The following IL11RA variants were observed in gnomAD, a reference collection of about 807,000 sequenced individuals.
IL11RA encodes the protein interleukin-11 receptor subunit alpha.
In IL11RA, 51 loss-of-function variants were observed where a neutral mutation model predicts 57.0. The observed-to-expected ratio is 0.89, with a 90% confidence interval of 0.71 to 1.13. The LOEUF is 1.13. Ranked by LOEUF, IL11RA falls within the 50% of genes most tolerant of loss-of-function variation. IL11RA has a pLI of 0.00. For synonymous variants in IL11RA, 199 were observed against 217.5 expected, an observed-to-expected ratio of 0.91 and a Z score of 0.75; for missense variants, 498 against 539.4, an observed-to-expected ratio of 0.92 and a Z score of 0.76.
Position 34,658,736 on chromosome 9 carries a change from C to T in IL11RA, c.810+53C>T. 6.3e-7 allele frequency: 1 copy of T among 1,586,280 alleles called. No homozygotes were observed. The highest frequency in any genetic ancestry group is 8.6e-7 in the Non-Finnish European group (1 of 1,165,168). ...CGGCTGTGGGTCCTGTCTCTGATTTCACGATCCTGGGTGTTCTGTATAGCT... is the reference window on the plus strand; with the variant it reads ...CGGCTGTGGGTCCTGTCTCTGATTTTACGATCCTGGGTGTTCTGTATAGCT... On this transcript the variant is annotated intron_variant, in intron 8 of 12. Coordinates refer to ENST00000441545, the MANE Select transcript of IL11RA (RefSeq NM_001142784.3). The surrounding 1 kb of genome is among the most constrained non-coding windows in gnomAD (Gnocchi z 4.0).
chr9:34,655,793 C>T, intron 3 of IL11RA, 128 bp downstream of exon 3: 1 of 793,530 alleles, frequency 1.3e-6, no homozygotes. Context: ...TCTGTCCTAA[C>T]CGTCTAACTA....
chr9:34,655,756 G>T, intron 3 of IL11RA, 91 bp downstream of exon 3: 1 of 1,062,268 alleles, frequency 9.4e-7, no homozygotes, highest in South Asian at 1.3e-5. Context: ...ATCCTTGCCC[G>T]CTCTGTCCGT....
intron 2 of IL11RA, 99 bp downstream of exon 2, chr9:34,655,416 C>T: frequency 1.2e-6 from 1 of 862,156 alleles, no homozygotes; most frequent in Non-Finnish European, 1.9e-6. Flanking sequence ...ACCACCCCTG[C>T]TCCTGTCATC....
At chr9:34,654,753 C>G (rs1821309434) in intron 1 of IL11RA, among the ~76,000 whole-genome samples, 1 of 152,144 alleles carries the variant, frequency 6.6e-6, no homozygotes, top group African/African-American at 2.4e-5. Flanking sequence ...GTGATAAGGT[C>G]TGCCTAGGTT....
Position 34,654,983 on chromosome 9 carries a change from G to C in IL11RA, c.1-235G>C. 5 of 507,064 alleles carry C rather than the reference G, an allele frequency of 9.9e-6. No homozygotes were observed. The Admixed American group carries it at 1.6e-4, about 16-fold the overall frequency. The allele number at this position is 507,064 out of a possible 1,614,324, so 31.4% of individuals were successfully genotyped here. On this transcript the variant is annotated intron_variant, in intron 1 of 12. Coordinates refer to ENST00000441545, the MANE Select transcript of IL11RA (RefSeq NM_001142784.3). ...GGACTGAGATGGAGGGTGTGAGGGG[G>C]TGTGTGTGTCCGTGTGTGTGTGTGT...
In IL11RA at chr9:34,658,770, C is replaced by A; in HGVS notation, c.810+87C>A. 1 of 1,470,810 alleles carries A rather than the reference C, an allele frequency of 6.8e-7. No individual in the cohort carries two copies. Among genetic ancestry groups the A allele is most frequent in the Non-Finnish European group, 9.4e-7 (1 of 1,065,012 alleles). 91.1% of individuals were successfully genotyped at this position (1,470,810 alleles called of 1,614,324 possible). A position where few individuals can be genotyped will look rare whatever the true frequency, so the allele number is the denominator to read the frequency against. On this transcript the variant is annotated intron_variant, in intron 8 of 12. Coordinates refer to ENST00000441545, the MANE Select transcript of IL11RA (RefSeq NM_001142784.3). This position sits in a 1 kb window ranked among gnomAD's most constrained non-coding sequence, Gnocchi z 4.0. Reference sequence around the variant, plus strand: ...GGGTGTTCTGTATAGCTTTCCAGTGCTGGCAGGTCACTGAAGACCCAACAC... The same window carrying A: ...GGGTGTTCTGTATAGCTTTCCAGTGATGGCAGGTCACTGAAGACCCAACAC...
At position 34,658,661 on chromosome 9, in the gene IL11RA, C is replaced by G. The variant is rs761590275; in HGVS notation, c.788C>G (p.Ala263Gly). Residue 263 changes from alanine to glycine, a missense_variant, in exon 8 of 13, where the codon GCG becomes GGG. Transcript: ENST00000441545. This position sits in a 1 kb window ranked among gnomAD's most constrained non-coding sequence, Gnocchi z 4.0. Reference sequence around the variant, plus strand: ...AAGTTCCGTTTGCAGTACCGTCCGGCGCAGCATCCAGCCTGGTCCACGGTG... The same window carrying G: ...AAGTTCCGTTTGCAGTACCGTCCGGGGCAGCATCCAGCCTGGTCCACGGTG... ...LLKFRLQYRP[A>G]QHPAWSTVEP... is the part of the protein sequence containing the mutation. The G allele has an allele frequency of 6.2e-7, 1 of 1,613,542 alleles. No individual in the cohort carries two copies. The highest frequency in any genetic ancestry group is 8.5e-7 in the Non-Finnish European group (1 of 1,180,036).
intron 1 of IL11RA, 168 bp from the exon 2 acceptor site, chr9:34,655,050 C>T: frequency 4.6e-6 from 3 of 659,232 alleles, no homozygotes; most frequent in South Asian, 1.7e-5. Context: ...ACTGGGTATA[C>T]AGTGGGAAAG....
chr9:34,656,664 A>G (rs567162166), intron 3 of IL11RA, 75 bp from the exon 4 acceptor site: 9 of 1,546,658 alleles, frequency 5.8e-6, no homozygotes, highest in African/African-American at 4.1e-5. Context: ...TTAGAAGCCA[A>G]TGGAGAGCTG....
At chr9:34,661,440 C>T (rs373736083) in intron 12 of IL11RA, 42 bp from the exon 13 acceptor site, 21 of 1,611,560 alleles carry the variant, frequency 1.3e-5, no homozygotes, top group East Asian at 8.9e-5. Context: ...GGCCAAGATC[C>T]GGTCTTACTG....
intron 3 of IL11RA, 70 bp downstream of exon 3, chr9:34,655,735 C>A: frequency 7.4e-7 from 1 of 1,343,168 alleles, no homozygotes; most frequent in Non-Finnish European, 1.1e-6. Flanking sequence ...TCCTCATGTC[C>A]CGCCCCTCCC....
At chr9:34,654,250 C>A (rs929913294) in intron 1 of IL11RA, among the ~76,000 whole-genome samples, 2 of 152,118 alleles carry the variant, frequency 1.3e-5, no homozygotes, top group African/African-American at 4.8e-5. Context: ...CTCCTAGCAT[C>A]CCCCACCTGC....
chr9:34,655,168 A>C, intron 1 of IL11RA, 50 bp from the exon 2 acceptor site: 1 of 1,293,286 alleles, frequency 7.7e-7, no homozygotes, highest in African/African-American at 1.5e-5. Context: ...GCCAGGCTTT[A>C]GCCTCCCATC....
At chr9:34,657,358 G>A in intron 6 of IL11RA, 23 bp downstream of exon 6, 8 of 1,614,086 alleles carry the variant, frequency 5.0e-6, no homozygotes, top group Non-Finnish European at 6.8e-6. Context: ...GGAGCATGTG[G>A]GGGCTCCAGC....
chr9:34,654,434 C>T (rs1821302882), intron 1 of IL11RA, among the ~76,000 whole-genome samples: 1 of 148,376 alleles, frequency 6.7e-6, no homozygotes. Context: ...TCATCCCCTT[C>T]CCTCCCCTCC....
At position 34,660,294 on chromosome 9, in the gene IL11RA, C is replaced by T; in HGVS notation, c.973C>T (p.Pro325Ser). 1.2e-6 allele frequency: 2 copies of T among 1,614,244 alleles called. No individual in the cohort carries two copies. The highest frequency in any genetic ancestry group is 1.7e-6 in the Non-Finnish European group (2 of 1,180,048). Reference protein sequence around the residue: ...PSTGTIPKEIPAWGQLHTQPE... With the variant: ...PSTGTIPKEISAWGQLHTQPE... ...TTTAGGGACCATACCAAAGGAGATA[C>T]CAGCATGGGGCCAGCTACACACGCA... The change falls in exon 10 of 13, where the codon CCA becomes TCA. Residue 325 changes from proline (P) to serine (S), a missense_variant. By Grantham distance (74) the Pro-to-Ser change is moderately conservative. Coordinates refer to ENST00000441545, the MANE Select transcript of IL11RA (RefSeq NM_001142784.3).
rs765191425 is a variant in IL11RA, at chr9:34,655,672, G to C, written c.161+7G>C. The C allele has an allele frequency of 6.2e-6, 10 of 1,613,654 alleles. No homozygotes were observed. In the South Asian group the frequency reaches 1.1e-4, roughly 18 times the overall value. On this transcript the variant is annotated splice_region_variant and intron_variant, in intron 3 of 12. Coordinates refer to ENST00000441545, the MANE Select transcript of IL11RA (RefSeq NM_001142784.3). ...GTCCTGGAGTGACTGCCGGGTAAGT[G>C]CCCCACCTGCCTGTTGGTCTGACAC...
chr9:34,655,887 T>C, intron 3 of IL11RA: 2 of 604,306 alleles, frequency 3.3e-6, no homozygotes, highest in East Asian at 2.9e-5. Context: ...GATACAGCAG[T>C]GCTAATGCCA....
chr9:34,655,780 C>T, intron 3 of IL11RA, 115 bp downstream of exon 3: 2 of 847,016 alleles, frequency 2.4e-6, no homozygotes, highest in South Asian at 2.8e-5. Context: ...CCTCACCTCT[C>T]TATCTGTCCT....
Sources: allele counts gnomAD v4.1 joint callset (sites outside exome capture counted in the v4.1 genomes callset), GRCh38; gene constraint gnomAD v4.1.1; non-coding constraint Gnocchi (gnomAD v3.1); transcripts MANE v1.5; gene names NCBI Gene and HGNC (gene_info 2026-07-23, HGNC 2026-07-21).